The following RNF175 variants were observed in gnomAD, a reference collection of about 807,000 sequenced individuals.
RNF175 encodes the protein ring finger protein 175.
RNF175 carries 38 observed loss-of-function variants against 50.0 expected under a neutral mutation model. The ratio of observed to expected loss-of-function variants is 0.76; its 90% confidence interval spans 0.59 to 1.00. RNF175 has a LOEUF of 1.00. RNF175 is among the 50% of genes least tolerant of loss of function. The pLI, the probability that RNF175 is intolerant of heterozygous loss-of-function variation, is 0.00. For synonymous variants in RNF175, 155 were observed against 146.1 expected (o/e 1.06, Z -0.44); for missense variants, 388 against 409.6 (o/e 0.95, Z 0.46).
At chr4:153,722,421 C>G (rs1738394822) in intron 5 of RNF175, among the ~76,000 whole-genome samples, 1 of 152,116 alleles carries the variant, frequency 6.6e-6, no homozygotes, top group African/African-American at 2.4e-5. Context: ...GACATGTTTT[C>G]TATCCTTCAA....
At chr4:153,759,627 C>T (rs1740727531) in intron 1 of RNF175, among the ~76,000 whole-genome samples, 170 bp downstream of exon 1, 1 of 152,144 alleles carries the variant, frequency 6.6e-6, no homozygotes, top group Non-Finnish European at 1.5e-5. Flanking sequence ...GCACCCCGCA[C>T]GGTGGCATCT....
chr4:153,759,752 G>C, intron 1 of RNF175, 45 bp downstream of exon 1: 1 of 1,330,938 alleles, frequency 7.5e-7, no homozygotes, highest in African/African-American at 1.5e-5. Flanking sequence ...TGAGCCCCGG[G>C]ACCCCGGCCT....
intron 3 of RNF175, among the ~76,000 whole-genome samples, chr4:153,736,798 A>C (rs533579441): frequency 9.2e-5 from 14 of 152,320 alleles, no homozygotes; most frequent in African/African-American, 3.4e-4. Context: ...ATTTGTGTGC[A>C]CAGAATTGTT....
intron 1 of RNF175, among the ~76,000 whole-genome samples, chr4:153,753,339 A>C (rs556233798): frequency 9.6e-4 from 138 of 143,186 alleles, no homozygotes; most frequent in Admixed American, 5.1e-3. Context: ...ACTAGTGGCT[A>C]AACCGGAGGC....
chr4:153,751,935 CAG>C lies in RNF175; in HGVS notation c.67-462_67-461del, dbSNP rs1404673836. On this transcript the variant is annotated intron_variant, in intron 1 of 8. Transcript: ENST00000347063. Reference sequence around the variant, plus strand: ...ATTTCCAAGTTCAAAGTTTCAGAGACAGAGCTGAGCAGAGGCTCCGTTGATTT... The same window carrying C: ...ATTTCCAAGTTCAAAGTTTCAGAGACAGCTGAGCAGAGGCTCCGTTGATTT... Among the ~76,000 whole-genome samples, 40 of 152,302 alleles carry C rather than the reference CAG, an allele frequency of 2.6e-4. No homozygotes were observed. In the East Asian group the frequency reaches 7.3e-3, roughly 28 times the overall value.
chr4:153,730,074 T>C (rs1243213188), intron 3 of RNF175, among the ~76,000 whole-genome samples: 3 of 152,210 alleles, frequency 2.0e-5, no homozygotes, highest in African/African-American at 7.2e-5. Flanking sequence ...CGAAACCATA[T>C]GCTAAGTAAC....
intron 3 of RNF175, among the ~76,000 whole-genome samples, chr4:153,746,175 C>A (rs1288655613): frequency 6.6e-6 from 1 of 152,176 alleles, no homozygotes; most frequent in Non-Finnish European, 1.5e-5. Context: ...ACAGGTCAGG[C>A]AGAGGATAGA....
chr4:153,749,711 C>T (rs538591714), intron 2 of RNF175, among the ~76,000 whole-genome samples: 45 of 152,290 alleles, frequency 3.0e-4, no homozygotes, highest in African/African-American at 8.7e-4. Context: ...TTAGGAAACA[C>T]TGGGAAGCTT....
rs1206924469 is a variant in RNF175, at chr4:153,712,021, A to C, written c.866+454T>G. Among the ~76,000 whole-genome samples, 3 of 152,208 alleles carry C rather than the reference A, an allele frequency of 2.0e-5. No homozygotes were observed. In the South Asian group the frequency reaches 6.2e-4, roughly 32 times the overall value. ...ACCTACTCATTTCTGGGAATAATAA[A>C]ATTTGGTACACCCTAACATATTTTA... On this transcript the variant is annotated intron_variant, in intron 8 of 8. Transcript: ENST00000347063.
intron 6 of RNF175, among the ~76,000 whole-genome samples, chr4:153,717,776 T>TC (rs1233891678): frequency 1.3e-5 from 2 of 152,186 alleles, no homozygotes; most frequent in African/African-American, 2.4e-5. Context: ...GCACCTTTTT[T>TC]CCCACCCCTT....
intron 3 of RNF175, among the ~76,000 whole-genome samples, chr4:153,728,693 G>C (rs552706391): frequency 6.6e-6 from 1 of 152,316 alleles, no homozygotes; most frequent in Admixed American, 6.5e-5. Flanking sequence ...TTGTATAATT[G>C]GGGGTACAGA....
intron 1 of RNF175, among the ~76,000 whole-genome samples, chr4:153,756,698 G>A (rs1345217624): frequency 6.6e-6 from 1 of 152,210 alleles, no homozygotes; most frequent in Non-Finnish European, 1.5e-5. Context: ...GACAAACAAG[G>A]TGTCTGTTCT....
chr4:153,745,388 G>C (rs1049594133), intron 3 of RNF175, among the ~76,000 whole-genome samples: 1 of 152,142 alleles, frequency 6.6e-6, no homozygotes, highest in Admixed American at 6.5e-5. Flanking sequence ...ACATTGTGAT[G>C]GCAAGGTCTC....
intron 8 of RNF175, 123 bp downstream of exon 8, chr4:153,712,352 G>A (rs1019000865): frequency 1.3e-4 from 81 of 633,302 alleles, no homozygotes; most frequent in Non-Finnish European, 2.0e-4. Flanking sequence ...TGAAATAGGT[G>A]GTTAGGGAAA....
intron 1 of RNF175, among the ~76,000 whole-genome samples, chr4:153,758,035 T>G (rs1740645306): frequency 6.6e-6 from 1 of 152,168 alleles, no homozygotes; most frequent in African/African-American, 2.4e-5. Flanking sequence ...GCTTTTCTGC[T>G]GGAGCTTTCA....
intron 3 of RNF175, among the ~76,000 whole-genome samples, chr4:153,734,136 G>A (rs1411999886): frequency 6.6e-6 from 1 of 152,096 alleles, no homozygotes; most frequent in African/African-American, 2.4e-5. Flanking sequence ...CCAGTTTTGG[G>A]CAATTATGAA....
chr4:153,726,183 G>A (rs1172732120), intron 4 of RNF175, among the ~76,000 whole-genome samples: 1 of 152,008 alleles, frequency 6.6e-6, no homozygotes, highest in African/African-American at 2.4e-5. Context: ...CTGGCTCACT[G>A]CAACCTTTGC....
At chr4:153,748,969 C>T (rs1266572980) in intron 2 of RNF175, 183 bp from the exon 3 acceptor site, 2 of 584,272 alleles carry the variant, frequency 3.4e-6, no homozygotes, top group Admixed American at 3.3e-5. Context: ...TTCTTGGTTT[C>T]TTCCCTTTCC....
At chr4:153,710,779 G>C (rs1466830167) in intron 8 of RNF175, among the ~76,000 whole-genome samples, 1 of 152,190 alleles carries the variant, frequency 6.6e-6, no homozygotes, top group Admixed American at 6.5e-5. Flanking sequence ...AAGAAGAGGG[G>C]AATGACTATA....
Sources: allele counts gnomAD v4.1 joint callset (sites outside exome capture counted in the v4.1 genomes callset), GRCh38; gene constraint gnomAD v4.1.1; transcripts MANE v1.5; gene names NCBI Gene and HGNC (gene_info 2026-07-23, HGNC 2026-07-21).